Variants in PLEKHA6 observed in about 807,000 individuals in gnomAD.
PLEKHA6 encodes pleckstrin homology domain containing A6.
Under a neutral mutation model 116.7 loss-of-function variants are expected in PLEKHA6, and 60 were observed. The ratio of observed to expected loss-of-function variants is 0.51; its 90% CI spans 0.42 to 0.64. The LOEUF (loss-of-function observed/expected upper bound fraction) is 0.64, where lower values mean the gene tolerates loss of function less well. PLEKHA6 is among the 30% of genes least tolerant of loss of function. PLEKHA6 has a pLI of 0.00. For synonymous variants in PLEKHA6, 489 were observed against 556.1 expected, an observed-to-expected ratio of 0.88 and a Z score of 1.70; for missense variants, 1,338 against 1,422.7, an observed-to-expected ratio of 0.94 and a Z score of 0.96.
intron 1 of PLEKHA6, among the ~76,000 whole-genome samples, chr1:204,320,085 A>G (rs1572175664): frequency 6.6e-6 from 1 of 152,192 alleles, no homozygotes; most frequent in East Asian, 1.9e-4. Flanking sequence ...CACAAGACTT[A>G]AGACACTGCT....
chr1:204,280,482 A>T, intron 1 of PLEKHA6: 7 of 984,090 alleles, frequency 7.1e-6, no homozygotes, highest in Non-Finnish European at 8.4e-6. Flanking sequence ...AAGCTGCTTC[A>T]TTTCCATAGC....
At chr1:204,292,424 C>T (rs184562731) in intron 1 of PLEKHA6, among the ~76,000 whole-genome samples, 101 of 152,316 alleles carry the variant, frequency 6.6e-4, no homozygotes, top group Non-Finnish European at 1.3e-3. Context: ...TTCCTCAGGG[C>T]CACAAGGAGC....
chr1:204,245,300 G>A (rs894664702), intron 14 of PLEKHA6, among the ~76,000 whole-genome samples: 3 of 152,056 alleles, frequency 2.0e-5, no homozygotes, highest in African/African-American at 7.2e-5. Context: ...AAACTCTAAG[G>A]TAGGGGTCAC....
upstream of PLEKHA6, among the ~76,000 whole-genome samples, chr1:204,363,590 G>A (rs1673599638): frequency 6.6e-6 from 1 of 152,184 alleles, no homozygotes; most frequent in African/African-American, 2.4e-5. Context: ...TTTCACCGGC[G>A]GCGGCTTCCG....
chr1:204,342,989 A>C (rs1672899948), intron 1 of PLEKHA6, among the ~76,000 whole-genome samples: 2 of 152,222 alleles, frequency 1.3e-5, no homozygotes, highest in Non-Finnish European at 2.9e-5. Flanking sequence ...GTGAGAGTTC[A>C]TGTGTGTTTG....
At chr1:204,255,983 T>A (rs777205460) in intron 9 of PLEKHA6, among the ~76,000 whole-genome samples, 49 of 152,304 alleles carry the variant, frequency 3.2e-4, no homozygotes, top group Middle Eastern at 3.4e-3. Flanking sequence ...TAGGCAGCAC[T>A]TGTTAGCAGC....
Position 204,219,037 on chromosome 1 carries a change from G to C in PLEKHA6, c.*3751C>G, listed in dbSNP as rs1659375027. The C allele has an allele frequency of 6.6e-6, 1 of 152,528 alleles. No homozygotes were observed. Among genetic ancestry groups the C allele is most frequent in the Non-Finnish European group, 1.5e-5 (1 of 68,018 alleles). The allele number at this position is 152,528 out of a possible 1,614,324, so 9.4% of individuals were successfully genotyped here. A position where few individuals can be genotyped will look rare whatever the true frequency, so the allele number is the denominator to read the frequency against. On this transcript the variant is annotated 3_prime_UTR_variant, in exon 23 of 23. Coordinates refer to ENST00000272203, the MANE Select transcript of PLEKHA6 (RefSeq NM_014935.5). ...GGGGAGGGGGCTCATTGGCTAGAAAGATGCTAAGGGGATGCTACAGCTGTT... is the reference window on the plus strand; with the variant it reads ...GGGGAGGGGGCTCATTGGCTAGAAACATGCTAAGGGGATGCTACAGCTGTT...
chr1:204,309,067 T>C, intron 1 of PLEKHA6: 1 of 976,856 alleles, frequency 1.0e-6, no homozygotes, highest in Non-Finnish European at 1.2e-6. Context: ...TTCATTGTCT[T>C]TCTGTCACTC....
intron 5 of PLEKHA6, 89 bp from the exon 6 acceptor site, chr1:204,265,131 C>G (rs1191643233): frequency 1.1e-6 from 1 of 872,004 alleles, no homozygotes; most frequent in Non-Finnish European, 2.0e-6. Context: ...TGTTGTCCCT[C>G]CCTGATAAAT....
At position 204,238,778 on chromosome 1, in the gene PLEKHA6, C is replaced by G; in HGVS notation, c.2409+2597G>C. Among the ~76,000 whole-genome samples, 1 of 152,172 alleles carries G rather than the reference C, an allele frequency of 6.6e-6. No homozygotes were observed. Among genetic ancestry groups the G allele is most frequent in the African/African-American group, 2.4e-5 (1 of 41,440 alleles). ...CAGATGGTTCTGCAAGATATGCAGGCACCACCCGAAAGTAGACAGCTGCAG... is the reference window on the plus strand; with the variant it reads ...CAGATGGTTCTGCAAGATATGCAGGGACCACCCGAAAGTAGACAGCTGCAG... On this transcript the variant is annotated intron_variant, in intron 17 of 22. Coordinates refer to ENST00000272203, the MANE Select transcript of PLEKHA6 (RefSeq NM_014935.5). The surrounding 1 kb of genome is among the most constrained non-coding windows in gnomAD (Gnocchi z 4.2).
At position 204,256,630 on chromosome 1, in the gene PLEKHA6, C is replaced by T. The variant is rs912702163; in HGVS notation, c.1524+723G>A. Among the ~76,000 whole-genome samples the T allele has an allele frequency of 2.6e-5, 4 of 152,266 alleles. No homozygotes were observed. The South Asian group carries it at 8.3e-4, about 32-fold the overall frequency. Reference sequence around the variant, plus strand: ...GGGGTTATTGGCACCAAACTTGATACTGGGGCTAGAGTCCTGGCTGGGAGG... The same window carrying T: ...GGGGTTATTGGCACCAAACTTGATATTGGGGCTAGAGTCCTGGCTGGGAGG... On this transcript the variant is annotated intron_variant, in intron 9 of 22. Transcript: ENST00000272203.
At position 204,257,244 on chromosome 1, in the gene PLEKHA6, G is replaced by C. The variant is rs1041795749; in HGVS notation, c.1524+109C>G. ...GCTGGTCCTGCAGACAAACGGCCCA[G>C]TGGCCCCGTGGCACAGATGCTCCCA... On this transcript the variant is annotated intron_variant, in intron 9 of 22. Transcript: ENST00000272203. This position sits in a 1 kb window ranked among gnomAD's most constrained non-coding sequence, Gnocchi z 6.5. The C allele has an allele frequency of 9.3e-7, 1 of 1,075,952 alleles. No homozygotes were observed. Among genetic ancestry groups the C allele is most frequent in the Admixed American group, 2.1e-5 (1 of 47,632 alleles). 66.7% of individuals were successfully genotyped at this position (1,075,952 alleles called of 1,614,324 possible).
chr1:204,351,605 C>T (rs1673283061), intron 1 of PLEKHA6, among the ~76,000 whole-genome samples: 1 of 151,796 alleles, frequency 6.6e-6, no homozygotes, highest in Non-Finnish European at 1.5e-5. Flanking sequence ...ATGTGCCTAG[C>T]ATGTTGTAGG....
At chr1:204,236,927 C>A (rs1348915887) in intron 17 of PLEKHA6, among the ~76,000 whole-genome samples, 1 of 152,162 alleles carries the variant, frequency 6.6e-6, no homozygotes, top group African/African-American at 2.4e-5. Context: ...GAGGAAGGAC[C>A]CCACTATATT....
chr1:204,275,718 C>T (rs547668820), intron 1 of PLEKHA6: 1 of 985,172 alleles, frequency 1.0e-6, no homozygotes, highest in Non-Finnish European at 1.2e-6. Context: ...GCGGTCTAAG[C>T]CATAATGGCA....
intron 1 of PLEKHA6, chr1:204,326,904 G>T: frequency 1.3e-6 from 1 of 778,668 alleles, no homozygotes; most frequent in Non-Finnish European, 1.6e-6. Context: ...TCCAAATAGG[G>T]TGAGGAACTG....
At chr1:204,344,534 A>G (rs898795758) in intron 1 of PLEKHA6, among the ~76,000 whole-genome samples, 5 of 149,136 alleles carry the variant, frequency 3.4e-5, no homozygotes, top group African/African-American at 1.3e-4. Flanking sequence ...CGGGAGGCAG[A>G]GGTTGCAGTC....
intron 1 of PLEKHA6, among the ~76,000 whole-genome samples, chr1:204,351,673 C>A (rs1028947873): frequency 3.3e-5 from 5 of 152,160 alleles, no homozygotes; most frequent in African/African-American, 1.2e-4. Context: ...CCTCACTTCG[C>A]AGATAGAGTG....
chr1:204,312,158 G>C (rs1671677794), intron 1 of PLEKHA6, among the ~76,000 whole-genome samples: 1 of 152,140 alleles, frequency 6.6e-6, no homozygotes, highest in Admixed American at 6.5e-5. Flanking sequence ...AATTCAGTTA[G>C]GTCTACTCAG....
Sources: gnomAD v4.1 joint callset for allele counts (sites outside exome capture counted in the v4.1 genomes callset) on GRCh38, gnomAD v4.1.1 for gene constraint, Gnocchi (gnomAD v3.1) non-coding constraint, MANE v1.5 for transcripts, NCBI Gene and HGNC (gene_info 2026-07-23, HGNC 2026-07-21) for gene names.